Variants in BAG4 observed in about 807,000 individuals in gnomAD.
BAG4 encodes BAG cochaperone 4.
A neutral mutation model predicts 52.1 loss-of-function variants in BAG4; 28 were observed. The observed-to-expected ratio is 0.54, with a 90% CI of 0.40 to 0.74. The LOEUF is 0.74. BAG4 is among the 30% of genes least tolerant of loss of function. BAG4 has a pLI of 0.00. For missense variants in BAG4, 525 were observed against 572.0 expected (o/e 0.92, Z 0.84); for synonymous variants, 208 against 217.0 (o/e 0.96, Z 0.37).
intron 2 of BAG4, among the ~76,000 whole-genome samples, chr8:38,198,494 GTTTTTTT>G (rs368761607): frequency 1.9e-5 from 2 of 106,794 alleles, no homozygotes; most frequent in African/African-American, 7.1e-5. Context: ...TTTGTTTTTT[GTTTTTTT>G]TTTTTGAGAT....
intron 1 of BAG4, among the ~76,000 whole-genome samples, chr8:38,189,235 A>G (rs1803427590): frequency 6.6e-6 from 1 of 152,114 alleles, no homozygotes; most frequent in Non-Finnish European, 1.5e-5. Flanking sequence ...GTAAGCCACC[A>G]TGCCAGGCCT....
At chr8:38,181,774 G>A (rs991151906) in intron 1 of BAG4, among the ~76,000 whole-genome samples, 4 of 151,128 alleles carry the variant, frequency 2.6e-5, no homozygotes, top group African/African-American at 7.3e-5. Flanking sequence ...GCGTGGTGGC[G>A]GGCGCCTGTA....
intron 2 of BAG4, 96 bp downstream of exon 2, chr8:38,192,891 T>A: frequency 1.2e-6 from 1 of 863,662 alleles, no homozygotes; most frequent in Non-Finnish European, 1.7e-6. Flanking sequence ...TGAGTGTGTG[T>A]TTTTTTTCTT....
At chr8:38,200,231 G>A (rs561494005) in intron 2 of BAG4, among the ~76,000 whole-genome samples, 5 of 151,710 alleles carry the variant, frequency 3.3e-5, no homozygotes, top group East Asian at 2.0e-4. Context: ...GATCTGGATC[G>A]CCTGACCTCT....
chr8:38,208,675 G>A (rs553540385), intron 3 of BAG4, among the ~76,000 whole-genome samples: 2 of 152,248 alleles, frequency 1.3e-5, no homozygotes, highest in Non-Finnish European at 2.9e-5. Context: ...TTCAAGAGGA[G>A]TTCTAACATG....
In BAG4 at chr8:38,176,925, G is replaced by A. The variant is rs910680328; in HGVS notation, c.56G>A (p.Arg19His). Residue 19 changes from arginine to histidine, a missense_variant, in exon 1 of 5, where the codon CGC (arginine) becomes CAC (histidine). Transcript: ENST00000287322. ...YGPSDGPSYG[R>H]YYGPGGGDVP... ...CCCAGTGACGGTCCGTCCTACGGCC[G>A]CTACTACGGGCCTGGGGGTGGAGAT... 1.3e-6 allele frequency: 2 copies of A among 1,551,240 alleles called. No individual in the cohort carries two copies. The highest frequency in any genetic ancestry group is 2.0e-5 in the Admixed American group (1 of 51,144).
chr8:38,204,960 A>G (rs1415258679), intron 2 of BAG4, among the ~76,000 whole-genome samples: 2 of 152,060 alleles, frequency 1.3e-5, no homozygotes, highest in Admixed American at 6.6e-5. Flanking sequence ...ACTTAAAAGG[A>G]AAAAAACAAC....
At chr8:38,185,456 G>T (rs1215931130) in intron 1 of BAG4, among the ~76,000 whole-genome samples, 2 of 152,182 alleles carry the variant, frequency 1.3e-5, no homozygotes, top group African/African-American at 4.8e-5. Flanking sequence ...ACAGCATGAA[G>T]AATTCTGTGG....
Position 38,211,143 on chromosome 8 carries a change from G to A in BAG4, c.*650G>A, listed in dbSNP as rs1803860554. The stretch of plus-strand genomic sequence containing the variant: ...TTTCACCACTTGAATATACTGCAAT[G>A]TGTAGTGAGTAAATTGTCTCCCTTT... On this transcript the variant is annotated 3_prime_UTR_variant, in exon 5 of 5. Transcript: ENST00000287322. 6.7e-6 allele frequency: 1 copy of A among 149,806 alleles called. No individual in the cohort carries two copies. Among genetic ancestry groups the A allele is most frequent in the African/African-American group, 2.4e-5 (1 of 40,828 alleles). 9.3% of individuals were successfully genotyped at this position (149,806 alleles called of 1,614,324 possible).
chr8:38,184,733 G>A (rs539218302), intron 1 of BAG4, among the ~76,000 whole-genome samples: 11 of 152,232 alleles, frequency 7.2e-5, no homozygotes, highest in African/African-American at 2.6e-4. Flanking sequence ...CAGAAAGCAA[G>A]CAAGCTGGGG....
In BAG4 at chr8:38,210,126, A is replaced by T; in HGVS notation, c.1007A>T (p.Asp336Val). Residue 336 changes from aspartate to valine, a missense_variant, in exon 5 of 5, where the codon GAT (aspartate) becomes GTT (valine). Around this residue, in one of 2 missense-constraint regions of BAG4, gnomAD observed 238 missense variants for 305.8 expected, o/e 0.78. Transcript: ENST00000287322. ...TVNNDDSDLL[D>V]SQVQYSAEPQ... Reference sequence around the variant, plus strand: ...AACAATGATGATTCAGATCTTTTGGATTCCCAAGTCCAGTATAGTGCTGAG... The same window carrying T: ...AACAATGATGATTCAGATCTTTTGGTTTCCCAAGTCCAGTATAGTGCTGAG... 1.2e-6 allele frequency: 2 copies of T among 1,614,152 alleles called. No homozygotes were observed. The highest frequency in any genetic ancestry group is 1.7e-6 in the Non-Finnish European group (2 of 1,180,044).
chr8:38,210,614 T>G lies in BAG4; in HGVS notation c.*121T>G. The G allele has an allele frequency of 1.5e-6, 2 of 1,293,062 alleles. No homozygotes were observed. Among genetic ancestry groups the G allele is most frequent in the Non-Finnish European group, 2.1e-6 (2 of 966,168 alleles). The allele number at this position is 1,293,062 out of a possible 1,614,324, so 80.1% of individuals were successfully genotyped here. On this transcript the variant is annotated 3_prime_UTR_variant, in exon 5 of 5. Transcript: ENST00000287322. ...AGAAGCAATACATTCCAGCTTTCCTTTGATTTTATACTTGAAAAACTGGCA... is the reference window on the plus strand; with the variant it reads ...AGAAGCAATACATTCCAGCTTTCCTGTGATTTTATACTTGAAAAACTGGCA...
At chr8:38,196,904 C>T (rs1051760721) in intron 2 of BAG4, among the ~76,000 whole-genome samples, 2 of 151,722 alleles carry the variant, frequency 1.3e-5, no homozygotes, top group African/African-American at 4.8e-5. Flanking sequence ...TGGTGAAACC[C>T]CTTCACTACT....
chr8:38,194,716 G>A (rs1803533671), intron 2 of BAG4, among the ~76,000 whole-genome samples: 1 of 151,068 alleles, frequency 6.6e-6, no homozygotes. Flanking sequence ...GCCTGGCCAG[G>A]TGTGTACATT....
intron 1 of BAG4, among the ~76,000 whole-genome samples, chr8:38,187,387 A>G (rs1161256074): frequency 6.6e-6 from 1 of 152,212 alleles, no homozygotes; most frequent in Non-Finnish European, 1.5e-5. Context: ...TTGAAGATAG[A>G]TCAATACAGA....
At chr8:38,180,394 A>C (rs1585649374) in intron 1 of BAG4, among the ~76,000 whole-genome samples, 1 of 151,808 alleles carries the variant, frequency 6.6e-6, no homozygotes, top group Non-Finnish European at 1.5e-5. Context: ...ATGGTGGCGC[A>C]TGCCTGTAAT....
chr8:38,195,649 A>G (rs1391042159), intron 2 of BAG4, among the ~76,000 whole-genome samples: 2 of 152,170 alleles, frequency 1.3e-5, no homozygotes, highest in African/African-American at 4.8e-5. Context: ...AATGGAATGT[A>G]AAATAAAGAT....
chr8:38,200,728 A>C (rs905118892), intron 2 of BAG4, among the ~76,000 whole-genome samples: 1 of 151,956 alleles, frequency 6.6e-6, no homozygotes, highest in Non-Finnish European at 1.5e-5. Flanking sequence ...CCTCTGGAGT[A>C]GCTGGGATTA....
chr8:38,184,204 C>T (rs1476764720), intron 1 of BAG4, among the ~76,000 whole-genome samples: 3 of 152,118 alleles, frequency 2.0e-5, no homozygotes, highest in Non-Finnish European at 4.4e-5. Context: ...CAGTGGCTCA[C>T]GCTTGTAATC....
Sources: gnomAD v4.1 joint callset for allele counts (sites outside exome capture counted in the v4.1 genomes callset) on GRCh38, gnomAD v4.1.1 for gene constraint, gnomAD v4.1.1 regional missense constraint, MANE v1.5 for transcripts, NCBI Gene and HGNC (gene_info 2026-07-23, HGNC 2026-07-21) for gene names.